The following ADK variants were observed in gnomAD, a reference collection of about 807,000 sequenced individuals.
ADK encodes the protein adenosine kinase.
Under a neutral mutation model 44.7 loss-of-function variants are expected in ADK, and 24 were observed. The observed-to-expected ratio is 0.54, with a 90% confidence interval of 0.39 to 0.76. ADK has a LOEUF of 0.76. ADK is among the 30% of genes least tolerant of loss of function. The pLI, the probability that ADK is intolerant of heterozygous loss-of-function variation, is 0.00. For missense variants in ADK, 321 were observed against 425.1 expected, an observed-to-expected ratio of 0.76 and a Z score of 2.15; for synonymous variants, 128 against 142.6, an observed-to-expected ratio of 0.90 and a Z score of 0.73.
In ADK at chr10:74,670,181, A is replaced by G. The variant is rs1200249304; in HGVS notation, c.878-2A>G. 6.2e-7 allele frequency: 1 copy of G among 1,613,394 alleles called. No individual in the cohort carries two copies. Among genetic ancestry groups the G allele is most frequent in the Non-Finnish European group, 8.5e-7 (1 of 1,179,568 alleles). On this transcript the variant is annotated splice_acceptor_variant, in intron 9 of 10. Transcript: ENST00000539909. LOFTEE classifies it high-confidence loss of function. Reference sequence around the variant, plus strand: ...TCTGCCTTTCTTTGGCTCTAATTGCAGAAAGTGAAGTCACTGCTTTTGCTG... The same window carrying G: ...TCTGCCTTTCTTTGGCTCTAATTGCGGAAAGTGAAGTCACTGCTTTTGCTG...
intron 7 of ADK, among the ~76,000 whole-genome samples, chr10:74,544,989 G>GT (rs1453899528): frequency 6.6e-6 from 1 of 150,510 alleles, no homozygotes; most frequent in African/African-American, 2.4e-5. Flanking sequence ...ACCCAACAAT[G>GT]TTTTTTTCAT....
rs542260854 is a variant in ADK, at chr10:74,406,930, C to T, written c.555+8351C>T. On this transcript the variant is annotated intron_variant, in intron 6 of 10. Coordinates refer to ENST00000539909, the MANE Select transcript of ADK (RefSeq NM_006721.4). ...TCCTGACCTCATGATCTGCTTGCCT[C>T]GGCCTCCCAAAGTGCTGGGATTACA... Among the ~76,000 whole-genome samples, 6 of 151,198 alleles carry T rather than the reference C, an allele frequency of 4.0e-5. No individual in the cohort carries two copies. The South Asian group carries it at 8.4e-4, about 21-fold the overall frequency.
intron 3 of ADK, among the ~76,000 whole-genome samples, chr10:74,257,807 G>T (rs140956086): frequency 2.4e-4 from 37 of 152,036 alleles, no homozygotes; most frequent in Non-Finnish European, 3.5e-4. Context: ...GTAAATAAAC[G>T]ATTAGCAATG....
chr10:74,296,962 C>A (rs1839841047), intron 3 of ADK, among the ~76,000 whole-genome samples: 1 of 152,020 alleles, frequency 6.6e-6, no homozygotes, highest in African/African-American at 2.4e-5. Context: ...ATGTTTATTT[C>A]CATATTACCT....
chr10:74,616,092 A>C (rs1169226790), intron 9 of ADK, among the ~76,000 whole-genome samples: 1 of 152,144 alleles, frequency 6.6e-6, no homozygotes, highest in Non-Finnish European at 1.5e-5. Flanking sequence ...ATTGATTTAG[A>C]AATCTTTTTA....
intron 9 of ADK, among the ~76,000 whole-genome samples, chr10:74,656,824 A>G (rs751204114): frequency 1.1e-4 from 16 of 152,262 alleles, no homozygotes; most frequent in East Asian, 1.9e-4. Flanking sequence ...TGTTAATTCA[A>G]AGTCCCACAT....
At chr10:74,242,940 C>A (rs542340628) in intron 3 of ADK, among the ~76,000 whole-genome samples, 1 of 152,196 alleles carries the variant, frequency 6.6e-6, no homozygotes, top group Non-Finnish European at 1.5e-5. Flanking sequence ...TTCCACCGCT[C>A]AGTAAAATTC....
At chr10:74,234,650 A>T (rs1162883057) in intron 3 of ADK, among the ~76,000 whole-genome samples, 1 of 152,146 alleles carries the variant, frequency 6.6e-6, no homozygotes, top group Non-Finnish European at 1.5e-5. Context: ...GTTAAGGTAA[A>T]ACTTTAGAGG....
chr10:74,564,185 GTCTTTGGCTTCTAAGAGT>G (rs1432489809), intron 7 of ADK, among the ~76,000 whole-genome samples: 1 of 151,952 alleles, frequency 6.6e-6, no homozygotes, highest in African/African-American at 2.4e-5. Context: ...AGAATGATGC[GTCTTTGGCTTCTAAGAGT>G]TCTTTGCTGA....
intron 3 of ADK, among the ~76,000 whole-genome samples, chr10:74,275,178 C>G (rs2132424236): frequency 6.6e-6 from 1 of 152,192 alleles, no homozygotes; most frequent in Middle Eastern, 3.4e-3. Context: ...CCAGCTTCTT[C>G]TCATGTAGTC....
intron 7 of ADK, among the ~76,000 whole-genome samples, chr10:74,583,744 C>A (rs1483569178): frequency 1.3e-5 from 2 of 152,150 alleles, no homozygotes; most frequent in Non-Finnish European, 2.9e-5. Context: ...TTCTTGTTAA[C>A]CTCATGTATA....
chr10:74,279,700 G>A lies in ADK; in HGVS notation c.195-34967G>A, dbSNP rs149041838. Among the ~76,000 whole-genome samples, 41 of 151,332 alleles carry A rather than the reference G, an allele frequency of 2.7e-4. 1 individual carries two copies. The highest frequency in any genetic ancestry group is 8.3e-4 in the African/African-American group (34 of 41,212). On this transcript the variant is annotated intron_variant, in intron 3 of 10. Coordinates refer to ENST00000539909, the MANE Select transcript of ADK (RefSeq NM_006721.4). ...AAATAGTGATGTTTCATCTTACCTC[G>A]AATTTTTTTTTTTCATGAGTGAAGT...
intron 3 of ADK, among the ~76,000 whole-genome samples, chr10:74,229,212 C>T (rs1307096321): frequency 6.6e-6 from 1 of 151,968 alleles, no homozygotes; most frequent in Non-Finnish European, 1.5e-5. Context: ...ATAAATTATG[C>T]AATAGGCATG....
intron 4 of ADK, among the ~76,000 whole-genome samples, chr10:74,369,329 C>T (rs1429949516): frequency 2.0e-5 from 3 of 152,150 alleles, no homozygotes; most frequent in Non-Finnish European, 4.4e-5. Flanking sequence ...GTGCTCCAGC[C>T]TCAGAGACAG....
intron 6 of ADK, among the ~76,000 whole-genome samples, chr10:74,445,305 ATAAT>A (rs1360131998): frequency 6.6e-6 from 1 of 151,982 alleles, no homozygotes; most frequent in Non-Finnish European, 1.5e-5. Context: ...TAATGTTCCT[ATAAT>A]TAATTTCAGT....
intron 10 of ADK, among the ~76,000 whole-genome samples, chr10:74,698,719 G>A (rs2134293926): frequency 6.6e-6 from 1 of 152,068 alleles, no homozygotes; most frequent in Admixed American, 6.5e-5. Flanking sequence ...ACCACGCCTG[G>A]CTAAATTTTT....
chr10:74,280,503 T>G (rs1846895717), intron 3 of ADK, among the ~76,000 whole-genome samples: 1 of 151,956 alleles, frequency 6.6e-6, no homozygotes, highest in South Asian at 2.1e-4. Flanking sequence ...ACTTCTGGCC[T>G]CAAGTATTTC....
At chr10:74,371,536 T>C (rs1842658161) in intron 4 of ADK, 4 of 1,040,198 alleles carry the variant, frequency 3.8e-6, no homozygotes, top group African/African-American at 1.6e-5. Flanking sequence ...CTTTTCACCA[T>C]GTCTGGAGCC....
At chr10:74,286,476 G>C (rs1246300128) in intron 3 of ADK, among the ~76,000 whole-genome samples, 1 of 152,236 alleles carries the variant, frequency 6.6e-6, no homozygotes, top group African/African-American at 2.4e-5. Context: ...CACAGTGGAA[G>C]TTCTAGGACT....
Sources: allele counts gnomAD v4.1 joint callset (sites outside exome capture counted in the v4.1 genomes callset), GRCh38; gene constraint gnomAD v4.1.1; transcripts MANE v1.5; gene names NCBI Gene and HGNC (gene_info 2026-07-23, HGNC 2026-07-21).